MINDY2: variants seen among roughly 807,000 people sequenced by gnomAD.
The protein encoded by MINDY2 is ubiquitin carboxyl-terminal hydrolase MINDY-2.
MINDY2 carries 52 observed loss-of-function variants against 68.2 expected under a neutral mutation model. The observed-to-expected ratio is 0.76, with a 90% CI of 0.61 to 0.96. The LOEUF (loss-of-function observed/expected upper bound fraction) is 0.96. MINDY2 is among the 40% of genes least tolerant of loss of function. The pLI, the probability that MINDY2 is intolerant of heterozygous loss-of-function variation, is 0.00. For synonymous variants in MINDY2, 372 were observed against 303.0 expected, an observed-to-expected ratio of 1.23 and a Z score of -2.36; for missense variants, 881 against 773.4, an observed-to-expected ratio of 1.14 and a Z score of -1.65.
chr15:58,772,332 C>T lies in MINDY2; in HGVS notation c.840+97C>T, dbSNP rs1027558301. 1.0e-5 allele frequency: 16 copies of T among 1,529,138 alleles called. No homozygotes were observed. In the African/African-American group the frequency reaches 2.2e-4, roughly 21 times the overall value. 94.7% of individuals were successfully genotyped at this position (1,529,138 alleles called of 1,614,324 possible). A position where few individuals can be genotyped will look rare whatever the true frequency, so the allele number is the denominator to read the frequency against. ...GTCAGGTGATGGCTTCCTTTCTTTCCTCATTCATCAGTCCCCTTCTTACAT... is the reference window on the plus strand; with the variant it reads ...GTCAGGTGATGGCTTCCTTTCTTTCTTCATTCATCAGTCCCCTTCTTACAT... On this transcript the variant is annotated intron_variant, in intron 1 of 8. Transcript: ENST00000559228.
At position 58,858,193 on chromosome 15, in the gene MINDY2, G is replaced by A. The variant is rs1043068380; in HGVS notation, c.*3583G>A. 2 of 152,160 alleles carry A rather than the reference G, an allele frequency of 1.3e-5. No individual in the cohort carries two copies. Among genetic ancestry groups the A allele is most frequent in the Non-Finnish European group, 1.5e-5 (1 of 68,014 alleles). The allele number at this position is 152,160 out of a possible 1,614,324, so 9.4% of individuals were successfully genotyped here. ...AAAGTAACTTCTTCCATGTTTCAAG[G>A]TCAGGTTCAGAGTTGAATGAAGTGT... On this transcript the variant is annotated 3_prime_UTR_variant, in exon 9 of 9. Coordinates refer to ENST00000559228, the MANE Select transcript of MINDY2 (RefSeq NM_001040450.3).
intron 3 of MINDY2, among the ~76,000 whole-genome samples, chr15:58,808,729 C>A (rs917443769): frequency 6.6e-6 from 1 of 152,142 alleles, no homozygotes; most frequent in Non-Finnish European, 1.5e-5. Context: ...CTCAGCCTCC[C>A]GAGTAGCTGG....
chr15:58,834,404 GCTA>G (rs2031895626), intron 6 of MINDY2, among the ~76,000 whole-genome samples: 2 of 152,110 alleles, frequency 1.3e-5, no homozygotes, highest in Admixed American at 1.3e-4. Context: ...CTTTAGTAAA[GCTA>G]CTTCTACTCT....
chr15:58,822,023 G>T (rs1348057427), intron 5 of MINDY2, among the ~76,000 whole-genome samples: 1 of 152,168 alleles, frequency 6.6e-6, no homozygotes, highest in Non-Finnish European at 1.5e-5. Flanking sequence ...GCCAAGGCAG[G>T]CAGATCACCT....
chr15:58,845,881 C>A (rs1424562258), intron 6 of MINDY2, among the ~76,000 whole-genome samples: 1 of 152,148 alleles, frequency 6.6e-6, no homozygotes, highest in Non-Finnish European at 1.5e-5. Flanking sequence ...AGAATGACAT[C>A]CTGTCAAATG....
chr15:58,830,589 T>C (rs1238687807), intron 5 of MINDY2, among the ~76,000 whole-genome samples: 1 of 152,190 alleles, frequency 6.6e-6, no homozygotes, highest in Non-Finnish European at 1.5e-5. Flanking sequence ...ACTCAACCTG[T>C]ATAACTCATG....
intron 2 of MINDY2, among the ~76,000 whole-genome samples, 191 bp downstream of exon 2, chr15:58,788,154 C>G (rs1901633914): frequency 1.3e-5 from 2 of 152,168 alleles, no homozygotes; most frequent in South Asian, 4.1e-4. Flanking sequence ...TTCTGACCAG[C>G]ATTAAAATTC....
intron 2 of MINDY2, among the ~76,000 whole-genome samples, chr15:58,800,561 A>G (rs1381203583): frequency 6.6e-6 from 1 of 151,964 alleles, no homozygotes; most frequent in Admixed American, 6.6e-5. Flanking sequence ...GTGTGACATG[A>G]TCTTTCTTAT....
rs371122704 is a variant in MINDY2, at chr15:58,823,323, C to A, written c.1225+1504C>A. Among the ~76,000 whole-genome samples the A allele has an allele frequency of 2.8e-4, 42 of 151,768 alleles. 2 individuals are homozygous for A. The South Asian group carries it at 8.6e-3, about 31-fold the overall frequency. On this transcript the variant is annotated intron_variant, in intron 5 of 8. Transcript: ENST00000559228. The stretch of plus-strand genomic sequence containing the variant: ...ATTTTTAGTAGAGATGGGATTTTGT[C>A]ATGTTGGTCAAGCTGGGAGGTTTAT...
chr15:58,788,749 C>A (rs1420169383), intron 2 of MINDY2, among the ~76,000 whole-genome samples: 11 of 152,330 alleles, frequency 7.2e-5, no homozygotes, highest in Non-Finnish European at 1.3e-4. Flanking sequence ...GTGGCTCACG[C>A]CTGTAATCCC....
Position 58,854,540 on chromosome 15 carries a change from G to T in MINDY2, c.1796G>T (p.Arg599Leu). Reference protein sequence around the residue: ...SSGRQSGNSERKRKEPREKDK... With the variant: ...SSGRQSGNSELKRKEPREKDK... ...GGAAGACAATCTGGGAATAGTGAAC[G>T]TAAACGGAAGGAACCACGAGAAAAA... The change falls in exon 9 of 9, where the codon CGT (arginine) becomes CTT (leucine). Residue 599 changes from arginine to leucine, a missense_variant. By Grantham distance (102) the Arg-to-Leu change is moderately radical (BLOSUM62 -2). Transcript: ENST00000559228. The T allele has an allele frequency of 6.2e-7, 1 of 1,613,634 alleles. No individual in the cohort carries two copies.
At chr15:58,839,633 A>T (rs2032181462) in intron 6 of MINDY2, among the ~76,000 whole-genome samples, 2 of 151,934 alleles carry the variant, frequency 1.3e-5, no homozygotes, top group Non-Finnish European at 2.9e-5. Context: ...CACCCAGCCT[A>T]GGGTTAGGCT....
intron 2 of MINDY2, among the ~76,000 whole-genome samples, chr15:58,789,285 C>CAAG (rs777384114): frequency 6.6e-6 from 1 of 152,056 alleles, no homozygotes; most frequent in Non-Finnish European, 1.5e-5. Context: ...TTGCAGTGAG[C>CAAG]CGAGATTGCA....
At position 58,772,193 on chromosome 15, in the gene MINDY2, C is replaced by T; in HGVS notation, c.798C>T (p.Cys266=). 6.2e-7 allele frequency: 1 copy of T among 1,613,446 alleles called. No homozygotes were observed. Among genetic ancestry groups the T allele is most frequent in the South Asian group, 1.1e-5 (1 of 91,086 alleles). The part of the protein sequence containing the change: ...PIITQNENGP[C]PLLAILNVLL... ...TCACCCAGAATGAGAACGGACCCTG[C>T]CCCTTGCTGGCCATCCTCAATGTTT... The change falls in exon 1 of 9, where the codon TGC becomes TGT. Residue 266 remains cysteine, a synonymous_variant. Coordinates refer to ENST00000559228, the MANE Select transcript of MINDY2 (RefSeq NM_001040450.3).
At chr15:58,785,969 C>T (rs1173839337) in intron 1 of MINDY2, among the ~76,000 whole-genome samples, 1 of 152,048 alleles carries the variant, frequency 6.6e-6, no homozygotes, top group East Asian at 1.9e-4. Context: ...CAGGCCTGAC[C>T]TGAAATTATT....
intron 3 of MINDY2, among the ~76,000 whole-genome samples, chr15:58,809,770 G>A (rs2030092474): frequency 6.6e-6 from 1 of 152,130 alleles, no homozygotes; most frequent in African/African-American, 2.4e-5. Context: ...TAAGAGCATG[G>A]ACTTTGTCTT....
rs537844882 is a variant in MINDY2 at position 58,841,246 on chromosome 15, G to T, written c.1369-6051G>T. ...GATCCACCCACCTCAGCCTCCCAAA[G>T]TGCTGGGATTACAGGCATGAGCCAC... On this transcript the variant is annotated intron_variant, in intron 6 of 8. Coordinates refer to ENST00000559228, the MANE Select transcript of MINDY2 (RefSeq NM_001040450.3). Among the ~76,000 whole-genome samples the T allele has an allele frequency of 2.6e-5, 4 of 152,014 alleles. No individual in the cohort carries two copies. In the South Asian group the frequency reaches 8.3e-4, roughly 32 times the overall value.
In MINDY2 at chr15:58,854,567, A is replaced by G. The variant is rs2032993457; in HGVS notation, c.1823A>G (p.Asp608Gly). 8 of 1,613,364 alleles carry G rather than the reference A, an allele frequency of 5.0e-6. No individual in the cohort carries two copies. The highest frequency in any genetic ancestry group is 6.8e-6 in the Non-Finnish European group (8 of 1,179,934). ...ERKRKEPREK[D>G]KEKEKEKNSC... ...AAACGGAAGGAACCACGAGAAAAAG[A>G]TAAAGAAAAAGAAAAGGAAAAAAAT... The change falls in exon 9 of 9, where the codon GAT becomes GGT. Residue 608 changes from aspartate (D) to glycine (G), a missense_variant. Asp to Gly is a moderately conservative substitution (Grantham distance 94, BLOSUM62 -1). Transcript: ENST00000559228.
chr15:58,852,021 TCA>T, intron 8 of MINDY2, 56 bp downstream of exon 8: 1 of 1,351,054 alleles, frequency 7.4e-7, no homozygotes, highest in Non-Finnish European at 1.0e-6. Context: ...GTGTAGTGGC[TCA>T]CACCTGTATT....
Sources: allele counts gnomAD v4.1 joint callset (sites outside exome capture counted in the v4.1 genomes callset), GRCh38; gene constraint gnomAD v4.1.1; transcripts MANE v1.5; gene names NCBI Gene and HGNC (gene_info 2026-07-23, HGNC 2026-07-21).